The following HOMER1 variants were observed in gnomAD, a reference collection of about 807,000 sequenced individuals.
HOMER1 encodes the protein homer scaffold protein 1.
Under a neutral mutation model 48.9 loss-of-function variants are expected in HOMER1, and 3 were observed. That is an observed-to-expected ratio of 0.06 (90% confidence interval 0.03 to 0.16). The LOEUF (loss-of-function observed/expected upper bound fraction) is 0.16, where lower values mean the gene tolerates loss of function less well. Among genes scored for constraint, HOMER1 ranks in the 10% least tolerant of loss-of-function variants. HOMER1 has a pLI of 1.00. For missense variants in HOMER1, 247 were observed against 411.4 expected (o/e 0.60, Z 3.46); for synonymous variants, 134 against 146.4 (o/e 0.92, Z 0.61).
intron 5 of HOMER1, among the ~76,000 whole-genome samples, chr5:79,408,344 TAAAC>T (rs1749721726): frequency 6.6e-6 from 1 of 152,064 alleles, no homozygotes; most frequent in Non-Finnish European, 1.5e-5. Context: ...GTTTTTCAGG[TAAAC>T]AAGAGCTCAG....
intron 7 of HOMER1, 27 bp downstream of exon 7, chr5:79,397,500 T>C (rs1305089276): frequency 8.2e-7 from 1 of 1,222,168 alleles, no homozygotes; most frequent in Admixed American, 1.7e-5. Flanking sequence ...TTAGCTAGAT[T>C]ACAGATGAGT....
At chr5:79,391,214 C>T (rs867588713) in intron 8 of HOMER1, among the ~76,000 whole-genome samples, 6 of 150,924 alleles carry the variant, frequency 4.0e-5, no homozygotes, top group Admixed American at 2.0e-4. Context: ...CACGGCTCAC[C>T]GCAACCTCAA....
intron 1 of HOMER1, among the ~76,000 whole-genome samples, chr5:79,500,726 G>A (rs1277559077): frequency 3.3e-5 from 5 of 151,636 alleles, no homozygotes; most frequent in Non-Finnish European, 7.4e-5. Flanking sequence ...CCAGGATCAA[G>A]CGATTCTTAT....
At chr5:79,443,303 T>A (rs1317892922) in intron 4 of HOMER1, among the ~76,000 whole-genome samples, 1 of 152,204 alleles carries the variant, frequency 6.6e-6, no homozygotes. Context: ...TAGGCATATA[T>A]AATATTCTAC....
intron 1 of HOMER1, among the ~76,000 whole-genome samples, chr5:79,467,141 G>A (rs1271897668): frequency 6.6e-6 from 1 of 151,768 alleles, no homozygotes; most frequent in Non-Finnish European, 1.5e-5. Context: ...GATCAGGCCT[G>A]TAATCCTAGC....
At chr5:79,448,846 G>A (rs1215070975) in intron 3 of HOMER1, among the ~76,000 whole-genome samples, 1 of 151,974 alleles carries the variant, frequency 6.6e-6, no homozygotes, top group Non-Finnish European at 1.5e-5. Context: ...AGTTCTGTGA[G>A]TATATAAGCT....
intron 1 of HOMER1, among the ~76,000 whole-genome samples, chr5:79,494,762 G>A (rs912211039): frequency 6.6e-6 from 1 of 152,282 alleles, no homozygotes; most frequent in Non-Finnish European, 1.5e-5. Flanking sequence ...CCAGCTACTC[G>A]GGAGGCTGAG....
intron 7 of HOMER1, among the ~76,000 whole-genome samples, chr5:79,397,326 T>A (rs1424552269): frequency 6.6e-6 from 1 of 152,172 alleles, no homozygotes; most frequent in Non-Finnish European, 1.5e-5. Context: ...TCGGTCTGAC[T>A]GCCTCACCAC....
chr5:79,510,579 A>C, intron 1 of HOMER1: 1 of 801,628 alleles, frequency 1.2e-6, no homozygotes, highest in East Asian at 2.5e-5. Context: ...GCCAAGAAAC[A>C]CAACAAGAAG....
chr5:79,501,926 A>G (rs920556179), intron 1 of HOMER1, among the ~76,000 whole-genome samples: 6 of 152,166 alleles, frequency 3.9e-5, no homozygotes, highest in African/African-American at 1.2e-4. Flanking sequence ...TCTTTAGCCA[A>G]TCTTGAAAAG....
intron 5 of HOMER1, among the ~76,000 whole-genome samples, chr5:79,417,915 GTGTGAAAAGAT>G (rs1749988105): frequency 6.6e-6 from 1 of 152,174 alleles, no homozygotes; most frequent in Non-Finnish European, 1.5e-5. Context: ...AGCTAAAATT[GTGTGAAAAGAT>G]ATGGATAATT....
At chr5:79,426,652 G>A (rs1481262533) in intron 5 of HOMER1, among the ~76,000 whole-genome samples, 3 of 152,072 alleles carry the variant, frequency 2.0e-5, no homozygotes, top group African/African-American at 7.2e-5. Flanking sequence ...AGGGTAGTGG[G>A]GAGTGGGAGA....
At chr5:79,489,388 A>G (rs1470968733) in intron 1 of HOMER1, among the ~76,000 whole-genome samples, 4 of 152,118 alleles carry the variant, frequency 2.6e-5, no homozygotes, top group African/African-American at 9.7e-5. Context: ...GACTTTGGGC[A>G]AAGTCCTCAG....
In HOMER1 at chr5:79,375,805, T is replaced by C. The variant is rs902624021; in HGVS notation, c.*204A>G. ...GGTAATTTGTAGTTCAAGTTTTTCA[T>C]CTTTTTTCCCCAACTAGCTACAAGC... On this transcript the variant is annotated 3_prime_UTR_variant, in exon 9 of 9. Transcript: ENST00000334082. 3 of 395,606 alleles carry C rather than the reference T, an allele frequency of 7.6e-6. No individual in the cohort carries two copies. The highest frequency in any genetic ancestry group is 1.3e-5 in the Non-Finnish European group (3 of 224,518). The allele number at this position is 395,606 out of a possible 1,614,324, so 24.5% of individuals were successfully genotyped here.
chr5:79,503,270 C>T (rs918671862), intron 1 of HOMER1, among the ~76,000 whole-genome samples: 1 of 152,078 alleles, frequency 6.6e-6, no homozygotes. Context: ...TGGCGGCTCA[C>T]GCCTGTAATC....
intron 1 of HOMER1, among the ~76,000 whole-genome samples, chr5:79,488,343 A>G (rs552537046): frequency 6.6e-6 from 1 of 152,390 alleles, no homozygotes; most frequent in Admixed American, 6.5e-5. Context: ...ATGCAGTACC[A>G]GATACCCAAT....
intron 8 of HOMER1, among the ~76,000 whole-genome samples, chr5:79,380,602 T>C (rs1204312130): frequency 2.0e-5 from 3 of 152,212 alleles, no homozygotes; most frequent in Non-Finnish European, 4.4e-5. Context: ...TGAGCATTCC[T>C]GGGGATTGCC....
chr5:79,456,943 G>T lies in HOMER1; in HGVS notation c.81C>A (p.Thr27=). ...DPNTKKNWVP[T]SKHAVTVSYF... ...AAGACACAGTAACTGCATGCTTGCT[G>T]GTGGGTACCCAGTTCTTCTTTGTGT... The change falls in exon 2 of 9, where the codon ACC becomes ACA. Residue 27 remains threonine, a synonymous_variant. Coordinates refer to ENST00000334082, the MANE Select transcript of HOMER1 (RefSeq NM_004272.5). 1 of 1,613,686 alleles carries T rather than the reference G, an allele frequency of 6.2e-7. No individual in the cohort carries two copies.
chr5:79,409,705 G>C (rs902769188), intron 5 of HOMER1, among the ~76,000 whole-genome samples: 2 of 152,108 alleles, frequency 1.3e-5, no homozygotes, highest in African/African-American at 4.8e-5. Flanking sequence ...TTAAAAATGA[G>C]CAAAGAACTT....
Sources: allele counts gnomAD v4.1 joint callset (sites outside exome capture counted in the v4.1 genomes callset), GRCh38; gene constraint gnomAD v4.1.1; transcripts MANE v1.5; gene names NCBI Gene and HGNC (gene_info 2026-07-23, HGNC 2026-07-21).